CACNA2D1: variants seen among roughly 807,000 people sequenced by gnomAD.
CACNA2D1 encodes the protein calcium voltage-gated channel auxiliary subunit alpha2delta 1, also known as voltage-dependent calcium channel subunit alpha-2/delta-1.
CACNA2D1 carries 53 observed loss-of-function variants against 171.5 expected under a neutral mutation model. The ratio of observed to expected loss-of-function variants is 0.31; its 90% CI spans 0.25 to 0.39. CACNA2D1 has a LOEUF of 0.39. Among genes scored for constraint, CACNA2D1 ranks in the 10% least tolerant of loss-of-function variants. The probability of loss-of-function intolerance (pLI) is 1.00; values close to 1 mark genes in which losing one functional copy is unlikely to be tolerated. For missense variants in CACNA2D1, 903 were observed against 1,299.8 expected (o/e 0.69, Z 4.69); for synonymous variants, 442 against 443.1 (o/e 1.00, Z 0.03).
At chr7:82,060,211 A>AATATATATATAATATATATATATT (rs1562982132) in intron 10 of CACNA2D1, among the ~76,000 whole-genome samples, 2 of 31,364 alleles carry the variant, frequency 6.4e-5, no homozygotes, top group Non-Finnish European at 1.2e-4. Context: ...TTATATATAT[A>AATATATATATAATATATATATATT]ATATATATAT....
chr7:82,023,833 C>T (rs1801554628), intron 12 of CACNA2D1: 1 of 151,678 alleles, frequency 6.6e-6, no homozygotes, highest in Non-Finnish European at 1.5e-5. Flanking sequence ...CTCCCTTCTC[C>T]CCACTTCAGG....
At chr7:82,299,352 GT>G (rs1350300719) in intron 3 of CACNA2D1, among the ~76,000 whole-genome samples, 1 of 151,916 alleles carries the variant, frequency 6.6e-6, no homozygotes, top group Non-Finnish European at 1.5e-5. Flanking sequence ...AGTGAAGATA[GT>G]TTTACTTAAA....
intron 1 of CACNA2D1, among the ~76,000 whole-genome samples, chr7:82,405,837 C>T (rs1467445565): frequency 6.6e-6 from 1 of 151,878 alleles, no homozygotes; most frequent in East Asian, 1.9e-4. Context: ...TTTGAGGAGC[C>T]CTGGCTCAGA....
At chr7:82,248,309 C>T (rs926873527) in intron 3 of CACNA2D1, among the ~76,000 whole-genome samples, 6 of 152,034 alleles carry the variant, frequency 3.9e-5, no homozygotes, top group Admixed American at 3.9e-4. Flanking sequence ...TTCCCTAGGC[C>T]CTCTTTTTGG....
At position 82,386,763 on chromosome 7, in the gene CACNA2D1, T is replaced by G. The variant is rs577399010; in HGVS notation, c.96-37114A>C. On this transcript the variant is annotated intron_variant, in intron 1 of 38. Coordinates refer to ENST00000356860, the MANE Select transcript of CACNA2D1 (RefSeq NM_000722.4). ...ATAAATAAATAAATAAATAAATAAA[T>G]AAATAAATAAATAAATAAAATAACT... 8.3e-3 allele frequency among the ~76,000 whole-genome samples: 1,247 copies of G among 149,802 alleles called. 11 individuals carry two copies. The highest frequency in any genetic ancestry group is 0.029 in the African/African-American group (1,198 of 40,946).
intron 3 of CACNA2D1, among the ~76,000 whole-genome samples, chr7:82,287,809 G>A (rs1038623313): frequency 2.6e-5 from 4 of 151,776 alleles, no homozygotes; most frequent in African/African-American, 9.7e-5. Flanking sequence ...GAGTTACAAG[G>A]GCTAAGAATA....
At chr7:82,317,340 A>T (rs1815245947) in intron 3 of CACNA2D1, among the ~76,000 whole-genome samples, 2 of 152,250 alleles carry the variant, frequency 1.3e-5, no homozygotes, top group African/African-American at 4.8e-5. Context: ...TTTAAAACAC[A>T]GGCAGATCAT....
intron 1 of CACNA2D1, among the ~76,000 whole-genome samples, chr7:82,366,689 T>A (rs1328077209): frequency 4.6e-5 from 7 of 152,138 alleles, no homozygotes; most frequent in Non-Finnish European, 8.8e-5. Context: ...CATACGAGTG[T>A]ATTTGTCTCT....
intron 18 of CACNA2D1, among the ~76,000 whole-genome samples, chr7:82,004,451 T>G (rs1158849658): frequency 6.6e-6 from 1 of 151,338 alleles, no homozygotes; most frequent in African/African-American, 2.4e-5. Context: ...TTATTTAATG[T>G]ATTAAAATAT....
At chr7:82,355,606 C>G (rs1192347257) in intron 1 of CACNA2D1, among the ~76,000 whole-genome samples, 1 of 152,098 alleles carries the variant, frequency 6.6e-6, no homozygotes, top group Non-Finnish European at 1.5e-5. Context: ...CTTTTCCTAA[C>G]TAGTGTTCAT....
intron 1 of CACNA2D1, among the ~76,000 whole-genome samples, chr7:82,366,705 AG>A (rs1189107954): frequency 1.3e-5 from 2 of 152,106 alleles, no homozygotes; most frequent in Non-Finnish European, 1.5e-5. Flanking sequence ...TCTCTTTGGC[AG>A]AATGATTTAT....
At chr7:81,952,289 A>G (rs1184441009) in intron 38 of CACNA2D1, among the ~76,000 whole-genome samples, 1 of 151,978 alleles carries the variant, frequency 6.6e-6, no homozygotes, top group Non-Finnish European at 1.5e-5. Flanking sequence ...AATTTTACAA[A>G]GATTCTAAGC....
intron 3 of CACNA2D1, among the ~76,000 whole-genome samples, chr7:82,292,431 C>A (rs1455639584): frequency 6.6e-6 from 1 of 152,052 alleles, no homozygotes; most frequent in Non-Finnish European, 1.5e-5. Flanking sequence ...TGTTTGTTTC[C>A]TTGTTTTGTT....
At chr7:82,013,344 G>A (rs908936551) in intron 14 of CACNA2D1, 117 bp downstream of exon 14, 4 of 296,086 alleles carry the variant, frequency 1.4e-5, no homozygotes, top group African/African-American at 9.0e-5. Flanking sequence ...TTTAATATAG[G>A]TGTAATATTA....
chr7:82,378,227 T>C (rs1479348307), intron 1 of CACNA2D1, among the ~76,000 whole-genome samples: 6 of 151,906 alleles, frequency 3.9e-5, no homozygotes, highest in East Asian at 3.9e-4. Context: ...GTGAGACCTG[T>C]CTCTACAAAA....
At chr7:82,290,875 C>T (rs768867689) in intron 3 of CACNA2D1, among the ~76,000 whole-genome samples, 138 of 151,736 alleles carry the variant, frequency 9.1e-4, no homozygotes, top group Non-Finnish European at 1.6e-3. Context: ...GGATTTCAGA[C>T]GTGAGCCCCC....
chr7:81,991,920 C>T (rs763021349), intron 20 of CACNA2D1, among the ~76,000 whole-genome samples: 2 of 150,372 alleles, frequency 1.3e-5, no homozygotes, highest in East Asian at 2.0e-4. Flanking sequence ...CTGCAAGCTC[C>T]GCCTCCCGGG....
At chr7:82,384,079 G>A (rs1394013251) in intron 1 of CACNA2D1, among the ~76,000 whole-genome samples, 7 of 152,090 alleles carry the variant, frequency 4.6e-5, no homozygotes, top group Non-Finnish European at 8.8e-5. Flanking sequence ...CCTCCTTTTC[G>A]GTTATAGTAT....
intron 31 of CACNA2D1, among the ~76,000 whole-genome samples, chr7:81,966,917 C>T (rs575568230): frequency 1.3e-4 from 20 of 151,280 alleles, no homozygotes; most frequent in East Asian, 5.8e-4. Flanking sequence ...CAGTTGAGAC[C>T]GAAGAGAACC....
Sources: allele counts gnomAD v4.1 joint callset (sites outside exome capture counted in the v4.1 genomes callset), GRCh38; gene constraint gnomAD v4.1.1; transcripts MANE v1.5; gene names NCBI Gene and HGNC (gene_info 2026-07-23, HGNC 2026-07-21).